Variants in TRAK1 observed in about 807,000 individuals in gnomAD.
TRAK1 encodes trafficking kinesin protein 1.
In TRAK1, 33 loss-of-function variants were observed where a neutral mutation model predicts 92.1. That is an observed-to-expected ratio of 0.36 (90% CI 0.27 to 0.48). The LOEUF (loss-of-function observed/expected upper bound fraction) is 0.48, where lower values mean the gene tolerates loss of function less well. Ranked by LOEUF, TRAK1 falls within the 20% of genes least tolerant of loss-of-function variation. The pLI is 0.99. For missense variants in TRAK1, 1,123 were observed against 1,257.9 expected, an observed-to-expected ratio of 0.89 and a Z score of 1.62; for synonymous variants, 521 against 517.3, an observed-to-expected ratio of 1.01 and a Z score of -0.10.
chr3:42,160,554 C>CA, intron 2 of TRAK1: 4 of 1,308,948 alleles, frequency 3.1e-6, no homozygotes, highest in Non-Finnish European at 3.1e-6. Context: ...GATTTCATAG[C>CA]ACTGTTTTGT....
intron 1 of TRAK1, among the ~76,000 whole-genome samples, chr3:42,048,743 T>A (rs945801436): frequency 1.3e-5 from 2 of 152,036 alleles, no homozygotes; most frequent in African/African-American, 4.8e-5. Context: ...TTTGTATTTT[T>A]AGTAGAGACG....
intron 1 of TRAK1, among the ~76,000 whole-genome samples, chr3:42,060,099 G>T (rs1227931656): frequency 6.6e-6 from 1 of 151,974 alleles, no homozygotes; most frequent in Non-Finnish European, 1.5e-5. Context: ...GACTCACAGG[G>T]GAAAGCCCAT....
intron 1 of TRAK1, among the ~76,000 whole-genome samples, chr3:42,113,888 G>A (rs1175787948): frequency 6.6e-6 from 1 of 152,184 alleles, no homozygotes; most frequent in Non-Finnish European, 1.5e-5. Flanking sequence ...GTTCAGTGGC[G>A]TTTAGTACAT....
At chr3:42,034,615 C>G (rs1702260779) in intron 1 of TRAK1, among the ~76,000 whole-genome samples, 1 of 152,184 alleles carries the variant, frequency 6.6e-6, no homozygotes, top group South Asian at 2.1e-4. Flanking sequence ...TTAGTCTTCT[C>G]TCTGCCTTTT....
At chr3:42,136,807 C>T (rs573614133) in intron 2 of TRAK1, among the ~76,000 whole-genome samples, 21 of 152,056 alleles carry the variant, frequency 1.4e-4, no homozygotes, top group African/African-American at 4.6e-4. Context: ...CTCAGCCTCC[C>T]GAGTAGCTGG....
rs181057433 is a variant in TRAK1 at position 42,029,142 on chromosome 3, G to A, written c.-519+15025G>A. 2.0e-5 allele frequency among the ~76,000 whole-genome samples: 3 copies of A among 152,234 alleles called. No individual in the cohort carries two copies. The East Asian group carries it at 5.8e-4, about 29-fold the overall frequency. On this transcript the variant is annotated intron_variant, in intron 1 of 16. Coordinates refer to the TRAK1 transcript ENST00000487159. Reference sequence around the variant, plus strand: ...TTTAAACAGTACCAAGGGGGATGGTGTTAAACCATAAGAAACCACCCCCAT... The same window carrying A: ...TTTAAACAGTACCAAGGGGGATGGTATTAAACCATAAGAAACCACCCCCAT...
intron 1 of TRAK1, among the ~76,000 whole-genome samples, chr3:42,020,902 A>G (rs1701698171): frequency 6.6e-6 from 1 of 152,192 alleles, no homozygotes; most frequent in African/African-American, 2.4e-5. Flanking sequence ...TATAGTATCA[A>G]GGGGCATTTT....
At position 42,046,847 on chromosome 3, in the gene TRAK1, A is replaced by G. The variant is rs952161322; in HGVS notation, c.-519+32730A>G. Among the ~76,000 whole-genome samples, 6 of 151,992 alleles carry G rather than the reference A, an allele frequency of 3.9e-5. No homozygotes were observed. In the South Asian group the frequency reaches 1.0e-3, roughly 26 times the overall value. ...TTGAGTAGTTTTCTCTTCCTTTTCAATATGTGCGTGCTTTTTGGTTATTGA... is the reference window on the plus strand; with the variant it reads ...TTGAGTAGTTTTCTCTTCCTTTTCAGTATGTGCGTGCTTTTTGGTTATTGA... On this transcript the variant is annotated intron_variant, in intron 1 of 16. Transcript: ENST00000487159.
At chr3:42,030,860 GTTCTT>G (rs1157142581) in intron 1 of TRAK1, among the ~76,000 whole-genome samples, 1 of 151,242 alleles carries the variant, frequency 6.6e-6, no homozygotes, top group East Asian at 1.9e-4. Context: ...GAAGGAGAAT[GTTCTT>G]TTATTTTGTA....
At chr3:42,029,413 T>TG (rs1163331353) in intron 1 of TRAK1, among the ~76,000 whole-genome samples, 1 of 127,736 alleles carries the variant, frequency 7.8e-6, no homozygotes, top group Non-Finnish European at 1.8e-5. Flanking sequence ...TAATTTTGCT[T>TG]GTTTTTTTGG....
chr3:42,046,324 C>A (rs1159836033), intron 1 of TRAK1, among the ~76,000 whole-genome samples: 1 of 144,156 alleles, frequency 6.9e-6, no homozygotes. Flanking sequence ...TTTAAATCTT[C>A]TGTAGAGAAC....
chr3:42,060,051 G>T (rs72867948), intron 1 of TRAK1, among the ~76,000 whole-genome samples: 9,202 of 151,946 alleles, frequency 0.061, 978 homozygotes, highest in African/African-American at 0.21. Context: ...AAAACATTCT[G>T]TTTTTTTCCC....
intron 13 of TRAK1, among the ~76,000 whole-genome samples, chr3:42,209,027 A>G (rs536774401): frequency 6.6e-6 from 1 of 152,294 alleles, no homozygotes; most frequent in South Asian, 2.1e-4. Flanking sequence ...GTTATTACAG[A>G]CCTTGCATGA....
At chr3:42,181,958 T>TG (rs1704059446) in intron 3 of TRAK1, among the ~76,000 whole-genome samples, 1 of 95,472 alleles carries the variant, frequency 1.0e-5, no homozygotes, top group East Asian at 2.2e-4. Flanking sequence ...TAAGGTACCT[T>TG]TTTTTTTTTT....
chr3:42,062,806 T>G (rs1459982451), intron 1 of TRAK1, among the ~76,000 whole-genome samples: 1 of 152,220 alleles, frequency 6.6e-6, no homozygotes, highest in Non-Finnish European at 1.5e-5. Flanking sequence ...CACTCCCTTG[T>G]GTCCTGCCTG....
chr3:42,125,825 G>C (rs1384889224), intron 2 of TRAK1, among the ~76,000 whole-genome samples: 1 of 152,168 alleles, frequency 6.6e-6, no homozygotes, highest in Non-Finnish European at 1.5e-5. Flanking sequence ...TGAGGACCAA[G>C]TAAGATTTTC....
chr3:42,019,929 G>T (rs964808855), intron 1 of TRAK1, among the ~76,000 whole-genome samples: 2 of 152,202 alleles, frequency 1.3e-5, no homozygotes, highest in African/African-American at 4.8e-5. Flanking sequence ...ATATTTCTTG[G>T]AGAGTGGGGA....
At chr3:42,135,583 C>A (rs931734170) in intron 2 of TRAK1, among the ~76,000 whole-genome samples, 9 of 151,986 alleles carry the variant, frequency 5.9e-5, no homozygotes, top group African/African-American at 2.2e-4. Context: ...AAAACAAAAC[C>A]AAAAAAACAT....
chr3:42,191,468 C>T (rs1705724879), intron 6 of TRAK1, 90 bp from the exon 7 acceptor site: 1 of 1,171,902 alleles, frequency 8.5e-7, no homozygotes, highest in Admixed American at 2.5e-5. Context: ...TTCCCAGACC[C>T]CAGTTAGCCT....
Sources: allele counts gnomAD v4.1 joint callset (sites outside exome capture counted in the v4.1 genomes callset), GRCh38; gene constraint gnomAD v4.1.1; transcripts MANE v1.5; gene names NCBI Gene and HGNC (gene_info 2026-07-23, HGNC 2026-07-21).